KLRG1: variants seen among roughly 807,000 people sequenced by gnomAD.
KLRG1 encodes killer cell lectin-like receptor subfamily G member 1.
KLRG1 carries 16 observed loss-of-function variants against 21.8 expected under a neutral mutation model. The ratio of observed to expected loss-of-function variants is 0.73; its 90% confidence interval spans 0.50 to 1.11. The LOEUF is 1.11. KLRG1 is among the 50% of genes most tolerant of loss of function. KLRG1 has a pLI of 0.00. For synonymous variants in KLRG1, 69 were observed against 75.9 expected, an observed-to-expected ratio of 0.91 and a Z score of 0.47; for missense variants, 173 against 218.3, an observed-to-expected ratio of 0.79 and a Z score of 1.31.
At chr12:9,169,665 A>G in the KLRG1 span, 1 of 1,344,248 alleles carries the variant, frequency 7.4e-7, no homozygotes, top group Non-Finnish European at 9.8e-7. Flanking sequence ...TGAGAGAAAT[A>G]AAATAATTAT....
rs1347213565 is a variant in KLRG1 at position 9,009,901 on chromosome 12, T to C, written c.*364T>C. 6.6e-7 allele frequency: 1 copy of C among 1,513,158 alleles called. No individual in the cohort carries two copies. The highest frequency in any genetic ancestry group is 1.4e-5 in the African/African-American group (1 of 72,078). The allele number at this position is 1,513,158 out of a possible 1,614,324, so 93.7% of individuals were successfully genotyped here. A position where few individuals can be genotyped will look rare whatever the true frequency, so the allele number is the denominator to read the frequency against. ...TTCTGAGCTAATCTGATAAAATCTA[T>C]GCCAATATATACTATTGCTTGTGTA... is the stretch of plus-strand genomic sequence containing the variant. On this transcript the variant is annotated 3_prime_UTR_variant, in exon 5 of 5. Transcript: ENST00000356986.
the KLRG1 span, among the ~76,000 whole-genome samples, chr12:9,092,079 C>CT: frequency 6.6e-6 from 1 of 152,194 alleles, no homozygotes; most frequent in Non-Finnish European, 1.5e-5. Flanking sequence ...CAGTTGCTGA[C>CT]TGAGTGTTGG....
intron 1 of KLRG1, among the ~76,000 whole-genome samples, chr12:8,955,471 G>A (rs1592231938): frequency 7.5e-6 from 1 of 134,038 alleles, no homozygotes; most frequent in Admixed American, 8.5e-5. Context: ...GCTCACTGCA[G>A]CTTCGACCTC....
the KLRG1 span, among the ~76,000 whole-genome samples, chr12:9,033,093 G>T: frequency 6.6e-6 from 1 of 152,170 alleles, no homozygotes; most frequent in African/African-American, 2.4e-5. Flanking sequence ...GAAACTGCCG[G>T]TGATTACATG....
At chr12:9,165,931 A>G in the KLRG1 span, 1 of 1,246,766 alleles carries the variant, frequency 8.0e-7, no homozygotes, top group Non-Finnish European at 1.1e-6. Flanking sequence ...GGTCTATCCT[A>G]AAGAGGAAGA....
At chr12:9,106,212 T>G in the KLRG1 span, 6 of 1,405,622 alleles carry the variant, frequency 4.3e-6, no homozygotes, top group East Asian at 1.4e-4. Flanking sequence ...CATGGGTTGA[T>G]GAGTGAACTG....
At chr12:9,026,963 C>T in the KLRG1 span, among the ~76,000 whole-genome samples, 1 of 151,818 alleles carries the variant, frequency 6.6e-6, no homozygotes, top group African/African-American at 2.4e-5. Flanking sequence ...TCAAGTGATG[C>T]TCCTGCCTCA....
At chr12:9,077,195 G>T in the KLRG1 span, 2 of 838,226 alleles carry the variant, frequency 2.4e-6, no homozygotes, top group Non-Finnish European at 3.6e-6. Flanking sequence ...TTAATGGGCT[G>T]ACCAAATTCT....
chr12:9,071,650 G>T, the KLRG1 span, among the ~76,000 whole-genome samples: 3 of 152,040 alleles, frequency 2.0e-5, no homozygotes, highest in Non-Finnish European at 4.4e-5. Context: ...GTGTCCATAT[G>T]TTCTCATCAT....
the KLRG1 span, among the ~76,000 whole-genome samples, chr12:9,173,165 A>G: frequency 6.6e-6 from 1 of 152,252 alleles, no homozygotes; most frequent in Admixed American, 6.5e-5. Flanking sequence ...CAAGATTAAG[A>G]AATTCACTCA....
chr12:9,122,420 C>G, the KLRG1 span, among the ~76,000 whole-genome samples: 1 of 152,130 alleles, frequency 6.6e-6, no homozygotes, highest in Non-Finnish European at 1.5e-5. Context: ...AGTTTGGGAG[C>G]AAACACTGGG....
the KLRG1 span, chr12:9,089,259 T>A: frequency 6.4e-7 from 1 of 1,574,628 alleles, no homozygotes; most frequent in Non-Finnish European, 8.6e-7. Context: ...AGGCTTTAGG[T>A]AAAAGAAAGA....
chr12:8,996,189 T>A (rs1196171504), intron 3 of KLRG1, among the ~76,000 whole-genome samples: 1 of 152,112 alleles, frequency 6.6e-6, no homozygotes, highest in Non-Finnish European at 1.5e-5. Context: ...TGGCCTCCAC[T>A]TCCTTCAGGC....
the KLRG1 span, among the ~76,000 whole-genome samples, chr12:9,153,736 TC>T: frequency 6.6e-6 from 1 of 152,292 alleles, no homozygotes; most frequent in East Asian, 1.9e-4. Flanking sequence ...AGTTGCACTT[TC>T]TTGAGTTTCT....
chr12:9,075,733 A>G, the KLRG1 span, among the ~76,000 whole-genome samples: 2 of 152,250 alleles, frequency 1.3e-5, no homozygotes, highest in Non-Finnish European at 2.9e-5. Flanking sequence ...TTAGGGATAC[A>G]TATGCAGCAA....
the KLRG1 span, chr12:9,169,660 GAAATA>G: frequency 7.3e-7 from 1 of 1,363,732 alleles, no homozygotes; most frequent in Non-Finnish European, 9.7e-7. Flanking sequence ...TGAACTGAGA[GAAATA>G]AAATAATTAT....
At chr12:9,203,869 T>C in the KLRG1 span, 1 of 1,613,958 alleles carries the variant, frequency 6.2e-7, no homozygotes, top group East Asian at 2.2e-5. Flanking sequence ...ACAGTCACTG[T>C]CTCATTCAGG....
the KLRG1 span, among the ~76,000 whole-genome samples, chr12:9,194,631 AT>A: frequency 6.6e-6 from 1 of 151,712 alleles, no homozygotes; most frequent in East Asian, 1.9e-4. Flanking sequence ...CGCCCAGCTA[AT>A]TTTTTGTATT....
At chr12:9,057,273 A>G in the KLRG1 span, among the ~76,000 whole-genome samples, 5 of 152,210 alleles carry the variant, frequency 3.3e-5, no homozygotes, top group African/African-American at 2.4e-5. Flanking sequence ...GAGGTCAAAT[A>G]CTTCACATTC....
Sources: gnomAD v4.1 joint callset for allele counts (sites outside exome capture counted in the v4.1 genomes callset) on GRCh38, gnomAD v4.1.1 for gene constraint, MANE v1.5 for transcripts, NCBI Gene and HGNC (gene_info 2026-07-23, HGNC 2026-07-21) for gene names.